The following PAK1 variants were observed in gnomAD, a reference collection of about 807,000 sequenced individuals.
PAK1 encodes the protein p21 (RAC1) activated kinase 1.
Under a neutral mutation model 67.4 loss-of-function variants are expected in PAK1, and 29 were observed. The ratio of observed to expected loss-of-function variants is 0.43; its 90% confidence interval spans 0.32 to 0.59. The LOEUF (loss-of-function observed/expected upper bound fraction) is 0.59, where lower values mean the gene tolerates loss of function less well. Ranked by LOEUF, PAK1 falls within the 20% of genes least tolerant of loss-of-function variation. The pLI is 0.07. For missense variants in PAK1, 337 were observed against 670.7 expected (o/e 0.50, Z 5.50); for synonymous variants, 223 against 237.4 (o/e 0.94, Z 0.56).
At chr11:77,516,173 G>A in the PAK1 span, among the ~76,000 whole-genome samples, 12 of 152,288 alleles carry the variant, frequency 7.9e-5, no homozygotes, top group Middle Eastern at 3.4e-3. Context: ...AATGTGTTAA[G>A]GCAGAAATTC....
At chr11:77,354,788 C>G (rs754220460) in intron 7 of PAK1, among the ~76,000 whole-genome samples, 1 of 152,190 alleles carries the variant, frequency 6.6e-6, no homozygotes, top group Admixed American at 6.5e-5. Flanking sequence ...GTCGCCAAAT[C>G]GGTCACATCA....
chr11:77,332,113 G>A (rs115930874), intron 14 of PAK1, among the ~76,000 whole-genome samples: 2,169 of 151,170 alleles, frequency 0.014, 45 homozygotes, highest in African/African-American at 0.05. Context: ...GACCATGCAC[G>A]GCCAACATAG....
intron 1 of PAK1, among the ~76,000 whole-genome samples, chr11:77,460,612 T>C (rs77833487): frequency 6.6e-6 from 1 of 151,938 alleles, no homozygotes; most frequent in Non-Finnish European, 1.5e-5. Flanking sequence ...GTTTGAATGA[T>C]GCTTAGGGTA....
chr11:77,387,864 C>T (rs1346216383), intron 2 of PAK1, among the ~76,000 whole-genome samples: 3 of 152,142 alleles, frequency 2.0e-5, no homozygotes, highest in Non-Finnish European at 4.4e-5. Flanking sequence ...GGGCATATAC[C>T]ACTTCAAAGA....
At chr11:77,395,899 C>A (rs1366676351) in intron 1 of PAK1, among the ~76,000 whole-genome samples, 1 of 152,208 alleles carries the variant, frequency 6.6e-6, no homozygotes, top group Non-Finnish European at 1.5e-5. Context: ...TCAAGTCCCT[C>A]AGCTCCCGCA....
chr11:77,333,389 G>C (rs1341113534), intron 13 of PAK1, among the ~76,000 whole-genome samples: 1 of 151,794 alleles, frequency 6.6e-6, no homozygotes, highest in African/African-American at 2.4e-5. Context: ...GTAGAGACGG[G>C]GTTTTACCAT....
chr11:77,409,588 C>T (rs112617824), intron 1 of PAK1, among the ~76,000 whole-genome samples: 3 of 151,676 alleles, frequency 2.0e-5, no homozygotes, highest in East Asian at 1.9e-4. Flanking sequence ...ATACACACAA[C>T]GGAATATTAT....
intron 1 of PAK1, among the ~76,000 whole-genome samples, chr11:77,419,898 G>A (rs1351375661): frequency 6.6e-6 from 1 of 152,092 alleles, no homozygotes; most frequent in Non-Finnish European, 1.5e-5. Flanking sequence ...TAGATATGAG[G>A]TGGAGTATAA....
chr11:77,516,284 T>A, the PAK1 span, among the ~76,000 whole-genome samples: 8 of 152,210 alleles, frequency 5.3e-5, no homozygotes, highest in African/African-American at 1.7e-4. Context: ...TTAGGTGTAA[T>A]GAAGCTATAC....
intron 1 of PAK1, among the ~76,000 whole-genome samples, chr11:77,464,515 T>C (rs1006490642): frequency 3.9e-5 from 6 of 152,208 alleles, no homozygotes; most frequent in African/African-American, 1.4e-4. Context: ...TATGAGTGTA[T>C]CCTTAGTACT....
chr11:77,524,694 A>G, the PAK1 span, among the ~76,000 whole-genome samples: 1 of 152,370 alleles, frequency 6.6e-6, no homozygotes, highest in African/African-American at 2.4e-5. Context: ...ATACTGGAAG[A>G]TCAATGGGTG....
chr11:77,485,719 C>A, the PAK1 span, among the ~76,000 whole-genome samples: 3 of 152,290 alleles, frequency 2.0e-5, no homozygotes, highest in East Asian at 1.9e-4. Flanking sequence ...AGGTGACCCA[C>A]CCACCTTGGT....
chr11:77,362,994 T>C (rs904830906), intron 5 of PAK1, among the ~76,000 whole-genome samples: 2 of 152,156 alleles, frequency 1.3e-5, no homozygotes, highest in African/African-American at 4.8e-5. Context: ...GTTTGCTTTA[T>C]TATATCTTCA....
At chr11:77,450,498 T>C (rs1006366942) in intron 1 of PAK1, among the ~76,000 whole-genome samples, 2 of 152,214 alleles carry the variant, frequency 1.3e-5, no homozygotes, top group East Asian at 3.8e-4. Flanking sequence ...CAAATCCTTA[T>C]GATTAAAGAC....
At chr11:77,495,244 C>T in the PAK1 span, among the ~76,000 whole-genome samples, 1 of 151,458 alleles carries the variant, frequency 6.6e-6, no homozygotes, top group Non-Finnish European at 1.5e-5. Context: ...GAGACCAAAA[C>T]GGGCAAATCA....
chr11:77,473,145 TG>T (rs1156459591), intron 1 of PAK1, among the ~76,000 whole-genome samples: 2 of 152,190 alleles, frequency 1.3e-5, no homozygotes, highest in Non-Finnish European at 2.9e-5. Flanking sequence ...CAGAAGGAAC[TG>T]GGCGCCGCTT....
At chr11:77,444,086 A>T (rs540431860) in intron 1 of PAK1, among the ~76,000 whole-genome samples, 1 of 152,254 alleles carries the variant, frequency 6.6e-6, no homozygotes, top group South Asian at 2.1e-4. Flanking sequence ...AACAGATGGA[A>T]CTTGCCAGAC....
At chr11:77,435,181 T>C (rs1258307772) in intron 1 of PAK1, among the ~76,000 whole-genome samples, 1 of 150,984 alleles carries the variant, frequency 6.6e-6, no homozygotes, top group Non-Finnish European at 1.5e-5. Flanking sequence ...CTGAATTGTA[T>C]ACACTCTAAG....
intron 1 of PAK1, among the ~76,000 whole-genome samples, chr11:77,435,213 G>A (rs1417447084): frequency 6.6e-6 from 1 of 151,802 alleles, no homozygotes; most frequent in Non-Finnish European, 1.5e-5. Flanking sequence ...CATGGTATGT[G>A]AATTATCTCA....
Sources: gnomAD v4.1 joint callset for allele counts (sites outside exome capture counted in the v4.1 genomes callset) on GRCh38, gnomAD v4.1.1 for gene constraint, MANE v1.5 for transcripts, NCBI Gene and HGNC (gene_info 2026-07-23, HGNC 2026-07-21) for gene names.